The following GARNL3 variants were observed in gnomAD, a reference collection of about 807,000 sequenced individuals.
GARNL3 encodes the protein GTPase activating Rap/RanGAP domain like 3, also known as GTPase-activating Rap/Ran-GAP domain-like protein 3.
In GARNL3, 63 loss-of-function variants were observed where a neutral mutation model predicts 125.0. The observed-to-expected ratio is 0.50, with a 90% CI of 0.41 to 0.62. GARNL3 has a LOEUF of 0.62. Ranked by LOEUF, GARNL3 falls within the 20% of genes least tolerant of loss-of-function variation. The probability of loss-of-function intolerance (pLI) is 0.00; values close to 1 mark genes in which losing one functional copy is unlikely to be tolerated. For missense variants in GARNL3, 994 were observed against 1,244.0 expected, an observed-to-expected ratio of 0.80 and a Z score of 3.02; for synonymous variants, 439 against 457.5, an observed-to-expected ratio of 0.96 and a Z score of 0.52.
At chr9:127,391,720 A>G (rs1312307297) in intron 27 of GARNL3, among the ~76,000 whole-genome samples, 6 of 146,248 alleles carry the variant, frequency 4.1e-5, no homozygotes, top group Admixed American at 1.4e-4. Context: ...AAAAAAAAAC[A>G]CTTAGTAAGA....
At chr9:127,361,170 G>T (rs1830976691) in intron 21 of GARNL3, among the ~76,000 whole-genome samples, 1 of 152,138 alleles carries the variant, frequency 6.6e-6, no homozygotes, top group African/African-American at 2.4e-5. Context: ...TACTTCACTT[G>T]TTACAAGTCT....
At chr9:127,369,687 AG>A (rs1050795950) in intron 22 of GARNL3, among the ~76,000 whole-genome samples, 3 of 152,202 alleles carry the variant, frequency 2.0e-5, no homozygotes, top group Admixed American at 6.5e-5. Context: ...AGGGGTTGTG[AG>A]GCGGTGGGAG....
At chr9:127,316,582 T>G (rs1187216298) in intron 4 of GARNL3, among the ~76,000 whole-genome samples, 1 of 152,132 alleles carries the variant, frequency 6.6e-6, no homozygotes, top group Non-Finnish European at 1.5e-5. Context: ...AAACGTGTAT[T>G]TCTATCGTAA....
In GARNL3 at chr9:127,242,515, A is replaced by G. The variant is rs1588672429; in HGVS notation, c.-28-564A>G. Reference sequence around the variant, plus strand: ...GGAATGCATTTCTCAGTTTATTCCCATGAACAAGCCATTTATTAATTCAGC... The same window carrying G: ...GGAATGCATTTCTCAGTTTATTCCCGTGAACAAGCCATTTATTAATTCAGC... On this transcript the variant is annotated intron_variant, in intron 1 of 10. Coordinates refer to the GARNL3 transcript ENST00000439286. This position sits in a 1 kb window ranked among gnomAD's most constrained non-coding sequence, Gnocchi z 4.6. 6.6e-6 allele frequency among the ~76,000 whole-genome samples: 1 copy of G among 152,210 alleles called. No individual in the cohort carries two copies. The highest frequency in any genetic ancestry group is 2.4e-5 in the African/African-American group (1 of 41,454).
intron 23 of GARNL3, among the ~76,000 whole-genome samples, chr9:127,383,978 C>T (rs1049464357): frequency 1.3e-5 from 2 of 152,204 alleles, no homozygotes; most frequent in African/African-American, 4.8e-5. Context: ...CTGCCTGCCA[C>T]TAAAATGTCA....
intron 1 of GARNL3, chr9:127,225,321 G>T (rs1292246005): frequency 1.0e-6 from 1 of 984,234 alleles, no homozygotes; most frequent in African/African-American, 1.8e-5. Flanking sequence ...GATGGAACCG[G>T]AGCCCGGCGG....
intron 1 of GARNL3, among the ~76,000 whole-genome samples, chr9:127,230,222 C>T (rs1241776556): frequency 6.6e-6 from 1 of 152,210 alleles, no homozygotes; most frequent in Non-Finnish European, 1.5e-5. Flanking sequence ...AATTGCGTAA[C>T]CCCTCTGAAC....
At chr9:127,368,710 A>G (rs937355280) in intron 22 of GARNL3, among the ~76,000 whole-genome samples, 4 of 149,004 alleles carry the variant, frequency 2.7e-5, no homozygotes, top group Admixed American at 1.3e-4. Flanking sequence ...TGAGGCGGGC[A>G]GATCATTTGA....
At chr9:127,290,483 TA>T (rs1002464570) in intron 1 of GARNL3, among the ~76,000 whole-genome samples, 2 of 152,126 alleles carry the variant, frequency 1.3e-5, no homozygotes, top group Non-Finnish European at 2.9e-5. Context: ...ATTTAAAGGC[TA>T]AAAAAAGATG....
intron 1 of GARNL3, among the ~76,000 whole-genome samples, chr9:127,225,798 G>GCGGCCCGGCTCGCCCTGGCCCCCCCA (rs1251204305): frequency 6.7e-6 from 1 of 150,068 alleles, no homozygotes; most frequent in Non-Finnish European, 1.5e-5. Flanking sequence ...TGCTGCCTCC[G>GCGGCCCGGCTCGCCCTGGCCCCCCCA]CGGCCCCCGC....
chr9:127,291,022 G>A (rs2064398674), intron 1 of GARNL3, 146 bp from the exon 2 acceptor site: 1 of 724,902 alleles, frequency 1.4e-6, no homozygotes, highest in Non-Finnish European at 2.3e-6. Context: ...ATGAGTACCT[G>A]CCTGATAGAG....
chr9:127,253,054 G>C (rs897893919), intron 2 of GARNL3, among the ~76,000 whole-genome samples: 5 of 152,146 alleles, frequency 3.3e-5, no homozygotes, highest in African/African-American at 1.2e-4. Context: ...AACATTTATA[G>C]CATTTTTATG....
chr9:127,239,014 T>A (rs2063158628), intron 1 of GARNL3, among the ~76,000 whole-genome samples: 1 of 152,178 alleles, frequency 6.6e-6, no homozygotes, highest in South Asian at 2.1e-4. Flanking sequence ...AGTAGGAATG[T>A]GCCATCTCTT....
chr9:127,249,300 T>C (rs914281435), intron 2 of GARNL3, among the ~76,000 whole-genome samples: 3 of 152,158 alleles, frequency 2.0e-5, no homozygotes, highest in Non-Finnish European at 2.9e-5. Flanking sequence ...TACAAGATTA[T>C]GGACCAGGTG....
chr9:127,346,962 A>G (rs1564163842), intron 16 of GARNL3, among the ~76,000 whole-genome samples: 1 of 152,188 alleles, frequency 6.6e-6, no homozygotes, highest in Non-Finnish European at 1.5e-5. Flanking sequence ...CATGGAAGGG[A>G]GTCCAGGGCA....
intron 2 of GARNL3, among the ~76,000 whole-genome samples, chr9:127,298,313 G>A (rs1426641888): frequency 6.6e-6 from 1 of 152,070 alleles, no homozygotes; most frequent in Admixed American, 6.6e-5. Flanking sequence ...CAAATAGCTG[G>A]GATTACAGGC....
intron 3 of GARNL3, 168 bp from the exon 4 acceptor site, chr9:127,313,273 G>A (rs949577493): frequency 4.9e-5 from 31 of 631,966 alleles, no homozygotes; most frequent in Non-Finnish European, 8.6e-5. Context: ...GCAAGGGGCA[G>A]AGGAATACAT....
intron 2 of GARNL3, among the ~76,000 whole-genome samples, chr9:127,291,824 C>G (rs1352644353): frequency 7.4e-6 from 1 of 135,790 alleles, no homozygotes; most frequent in South Asian, 2.4e-4. Flanking sequence ...CAGCCTTTTT[C>G]TTCTTTGCTG....
chr9:127,261,629 T>C (rs1191067266), upstream of GARNL3, among the ~76,000 whole-genome samples: 1 of 152,050 alleles, frequency 6.6e-6, no homozygotes, highest in Non-Finnish European at 1.5e-5. Flanking sequence ...GTCATGCTGG[T>C]CTCGAACTCC....
Sources: gnomAD v4.1 joint callset for allele counts (sites outside exome capture counted in the v4.1 genomes callset) on GRCh38, gnomAD v4.1.1 for gene constraint, Gnocchi (gnomAD v3.1) non-coding constraint, MANE v1.5 for transcripts, NCBI Gene and HGNC (gene_info 2026-07-23, HGNC 2026-07-21) for gene names.